Variants in DNAH14 observed in about 807,000 individuals in gnomAD.
The protein encoded by DNAH14 is dynein axonemal heavy chain 14.
A neutral mutation model predicts 520.9 loss-of-function variants in DNAH14; 478 were observed. The ratio of observed to expected loss-of-function variants is 0.92; its 90% confidence interval spans 0.85 to 0.99. The LOEUF (loss-of-function observed/expected upper bound fraction) is 0.99. Ranked by LOEUF, DNAH14 falls within the 50% of genes least tolerant of loss-of-function variation. The pLI, the probability that DNAH14 is intolerant of heterozygous loss-of-function variation, is 0.00. For missense variants in DNAH14, 4,831 were observed against 5,234.5 expected (o/e 0.92, Z 2.38); for synonymous variants, 1,581 against 1,757.2 (o/e 0.90, Z 2.51).
rs560821223 is a variant in DNAH14 at position 225,154,945 on chromosome 1, G to GA, written c.5273+1125dup. ...TATAAAGATTTTCTAGACATTTGGGGAAAAAATCAACAGGAAAATGGGCAA... is the reference window on the plus strand; with the variant it reads ...TATAAAGATTTTCTAGACATTTGGGGAAAAAAATCAACAGGAAAATGGGCAA... On this transcript the variant is annotated intron_variant, in intron 34 of 85. Coordinates refer to ENST00000682510, the MANE Select transcript of DNAH14 (RefSeq NM_001367479.1). Among the ~76,000 whole-genome samples the GA allele has an allele frequency of 1.5e-3, 227 of 152,036 alleles. 1 individual carries two copies. The highest frequency in any genetic ancestry group is 5.1e-3 in the African/African-American group (210 of 41,496).
chr1:225,127,643 G>A (rs1375991343), intron 27 of DNAH14, among the ~76,000 whole-genome samples: 1 of 152,108 alleles, frequency 6.6e-6, no homozygotes, highest in Non-Finnish European at 1.5e-5. Context: ...GCACACTGAT[G>A]GTTCTTGACT....
rs190408663 is a variant in DNAH14 at position 225,233,845 on chromosome 1, T to C, written c.6518+2694T>C. Among the ~76,000 whole-genome samples the C allele has an allele frequency of 1.3e-3, 200 of 152,346 alleles. 2 individuals are homozygous for C. Among genetic ancestry groups the C allele is most frequent in the Admixed American group, 0.012 (181 of 15,300 alleles). On this transcript the variant is annotated intron_variant, in intron 42 of 85. Coordinates refer to ENST00000682510, the MANE Select transcript of DNAH14 (RefSeq NM_001367479.1). The stretch of plus-strand genomic sequence containing the variant: ...GTTGCAATTGCGTTTCAAATTTTTG[T>C]CATAAAATTTTTGCCCGTGCCTATA...
At chr1:225,340,154 A>G (rs2095148985) in intron 68 of DNAH14, among the ~76,000 whole-genome samples, 1 of 151,946 alleles carries the variant, frequency 6.6e-6, no homozygotes, top group South Asian at 2.1e-4. Context: ...TCAGGTAAAA[A>G]CCATGGTTTT....
intron 17 of DNAH14, among the ~76,000 whole-genome samples, chr1:225,078,800 CTCTCT>C (rs2072635080): frequency 1.5e-5 from 1 of 67,224 alleles, no homozygotes. Context: ...CTCTCTCTCT[CTCTCT>C]CTCTCTCTCT....
At position 225,042,768 on chromosome 1, in the gene DNAH14, A is replaced by T; in HGVS notation, c.1489-67A>T. 2.0e-6 allele frequency: 3 copies of T among 1,473,380 alleles called. No individual in the cohort carries two copies. In the East Asian group the frequency reaches 7.4e-5, roughly 37 times the overall value. The allele number at this position is 1,473,380 out of a possible 1,614,324, so 91.3% of individuals were successfully genotyped here. A position where few individuals can be genotyped will look rare whatever the true frequency, so the allele number is the denominator to read the frequency against. The stretch of plus-strand genomic sequence containing the variant: ...TTTCTCATTTAAAATTTTGGTCTGT[A>T]TTCTAAATTAAATGTTCTGTAAGTT... On this transcript the variant is annotated intron_variant, in intron 12 of 85. Coordinates refer to ENST00000682510, the MANE Select transcript of DNAH14 (RefSeq NM_001367479.1).
chr1:225,304,851 C>T, intron 57 of DNAH14, 57 bp from the exon 58 acceptor site: 2 of 1,386,168 alleles, frequency 1.4e-6, no homozygotes, highest in Non-Finnish European at 1.9e-6. Flanking sequence ...TCAACTTTCT[C>T]TTTTTATGTA....
Position 225,050,292 on chromosome 1 carries a change from A to G in DNAH14, c.1995A>G (p.Thr665=). The stretch of plus-strand genomic sequence containing the variant: ...CAATAATGGATTTACCTAATAAGAC[A>G]GGAAGCATAATACATTATAAAGAGC... ...LVSIMDLPNK[T]GSIIHYKEQT... is the part of the protein sequence containing the mutation. The change falls in exon 16 of 86, where the codon ACA becomes ACG. Residue 665 remains threonine (T), a synonymous_variant. Coordinates refer to ENST00000682510, the MANE Select transcript of DNAH14 (RefSeq NM_001367479.1). 1 of 1,550,194 alleles carries G rather than the reference A, an allele frequency of 6.5e-7. No individual in the cohort carries two copies. The highest frequency in any genetic ancestry group is 8.7e-7 in the Non-Finnish European group (1 of 1,146,478).
At chr1:225,113,616 G>C (rs2076645661) in intron 23 of DNAH14, among the ~76,000 whole-genome samples, 1 of 152,166 alleles carries the variant, frequency 6.6e-6, no homozygotes, top group South Asian at 2.1e-4. Context: ...TGCCATCTGG[G>C]AACCAGTATC....
At chr1:225,162,885 C>T (rs1197179319) in intron 35 of DNAH14, among the ~76,000 whole-genome samples, 1 of 151,868 alleles carries the variant, frequency 6.6e-6, no homozygotes, top group African/African-American at 2.4e-5. Context: ...ACCTGTAATC[C>T]CAGCACTTTG....
At position 225,300,994 on chromosome 1, in the gene DNAH14, G is replaced by T; in HGVS notation, c.8595G>T (p.Met2865Ile). The change falls in exon 56 of 86, where the codon ATG becomes ATT. Residue 2865 changes from methionine (M) to isoleucine (I), a missense_variant. Physicochemically the swap from Met to Ile is conservative, Grantham distance 10. Coordinates refer to ENST00000682510, the MANE Select transcript of DNAH14 (RefSeq NM_001367479.1). ...ATCTTACTGAACAATCTGGTCATAT[G>T]GATAATAGGCAATCTTTACTTTCAT... ...IRYLTEQSGH[M>I]DNRQSLLSFF... is the part of the protein sequence containing the mutation. The T allele has an allele frequency of 6.5e-7, 1 of 1,549,988 alleles. No individual in the cohort carries two copies. Among genetic ancestry groups the T allele is most frequent in the Non-Finnish European group, 8.7e-7 (1 of 1,146,560 alleles).
intron 76 of DNAH14, among the ~76,000 whole-genome samples, chr1:225,367,582 A>G (rs2150605020): frequency 6.6e-6 from 1 of 152,326 alleles, no homozygotes; most frequent in African/African-American, 2.4e-5. Flanking sequence ...TATACTTCCC[A>G]TTTCAAAATA....
chr1:225,180,027 T>G (rs1380713449), intron 36 of DNAH14, among the ~76,000 whole-genome samples: 2 of 152,220 alleles, frequency 1.3e-5, no homozygotes, highest in Non-Finnish European at 2.9e-5. Flanking sequence ...TTTCTCTTTC[T>G]GCTTTTAGGA....
chr1:225,068,208 CT>C (rs540411457), intron 17 of DNAH14, among the ~76,000 whole-genome samples: 169 of 152,294 alleles, frequency 1.1e-3, no homozygotes, highest in African/African-American at 3.8e-3. Flanking sequence ...ATAGGGATTC[CT>C]TTCCCCATTG....
intron 1 of DNAH14, among the ~76,000 whole-genome samples, chr1:224,940,155 A>T (rs1388569013): frequency 7.9e-5 from 12 of 152,190 alleles, no homozygotes; most frequent in Non-Finnish European, 1.8e-4. Flanking sequence ...CCCACATACT[A>T]TTCCATGTGG....
chr1:224,944,552 T>G (rs1326101983), intron 1 of DNAH14, among the ~76,000 whole-genome samples: 1 of 152,290 alleles, frequency 6.6e-6, no homozygotes, highest in African/African-American at 2.4e-5. Context: ...TAGCTGTTTA[T>G]TTTGCTCGTT....
chr1:225,057,025 G>C (rs990973506), intron 17 of DNAH14, among the ~76,000 whole-genome samples: 1 of 152,096 alleles, frequency 6.6e-6, no homozygotes. Flanking sequence ...CCCTTTTTTG[G>C]TTCCATAGGA....
intron 10 of DNAH14, among the ~76,000 whole-genome samples, chr1:225,013,744 GT>G (rs2064991784): frequency 6.6e-6 from 1 of 152,152 alleles, no homozygotes; most frequent in Admixed American, 6.5e-5. Context: ...CAGGGGCTTT[GT>G]TTACACTGTG....
intron 10 of DNAH14, among the ~76,000 whole-genome samples, chr1:225,012,900 T>G (rs964268445): frequency 1.3e-5 from 2 of 152,172 alleles, no homozygotes; most frequent in African/African-American, 4.8e-5. Context: ...TTGCATTGGG[T>G]TAGAACATGC....
intron 21 of DNAH14, among the ~76,000 whole-genome samples, chr1:225,095,323 G>A (rs112032440): frequency 0.015 from 2,252 of 152,166 alleles, 43 homozygotes; most frequent in African/African-American, 0.051. Flanking sequence ...AGCCATAAAA[G>A]AAGAATGAGA....
Sources: gnomAD v4.1 joint callset for allele counts (sites outside exome capture counted in the v4.1 genomes callset) on GRCh38, gnomAD v4.1.1 for gene constraint, MANE v1.5 for transcripts, NCBI Gene and HGNC (gene_info 2026-07-23, HGNC 2026-07-21) for gene names.